Variants in PEAK1 observed in about 807,000 individuals in gnomAD.
PEAK1 encodes the protein pseudopodium enriched atypical kinase 1.
PEAK1 carries 54 observed loss-of-function variants against 124.7 expected under a neutral mutation model. That is an observed-to-expected ratio of 0.43 (90% CI 0.35 to 0.54). PEAK1 has a LOEUF of 0.54. Ranked by LOEUF, PEAK1 falls within the 20% of genes least tolerant of loss-of-function variation. The pLI, the probability that PEAK1 is intolerant of heterozygous loss-of-function variation, is 0.01. For synonymous variants in PEAK1, 719 were observed against 760.0 expected (o/e 0.95, Z 0.89); for missense variants, 2,046 against 2,134.5 (o/e 0.96, Z 0.82).
chr15:77,235,141 C>T (rs2060064203), intron 6 of PEAK1, among the ~76,000 whole-genome samples: 1 of 151,956 alleles, frequency 6.6e-6, no homozygotes, highest in African/African-American at 2.4e-5. Flanking sequence ...CATATATTAC[C>T]CAGTCTCAGG....
chr15:77,254,056 G>A (rs547502611), intron 5 of PEAK1, among the ~76,000 whole-genome samples: 5 of 152,142 alleles, frequency 3.3e-5, no homozygotes, highest in Admixed American at 2.6e-4. Context: ...CTGACCTCAG[G>A]TGATCCACCT....
intron 8 of PEAK1, among the ~76,000 whole-genome samples, chr15:77,154,219 G>C (rs2054916124): frequency 6.6e-6 from 1 of 152,204 alleles, no homozygotes; most frequent in African/African-American, 2.4e-5. Flanking sequence ...TTTTTCAATT[G>C]ATCCCTTTAC....
At chr15:77,218,553 C>T (rs1442337390) in intron 6 of PEAK1, among the ~76,000 whole-genome samples, 1 of 151,348 alleles carries the variant, frequency 6.6e-6, no homozygotes, top group Non-Finnish European at 1.5e-5. Flanking sequence ...TCATGAGGAA[C>T]GTTGGTCTTT....
At chr15:77,334,077 C>T in intron 2 of PEAK1, 1 of 797,868 alleles carries the variant, frequency 1.3e-6, no homozygotes, top group South Asian at 5.8e-5. Context: ...TTATGTTATC[C>T]TGTAAGGTTT....
intron 2 of PEAK1, chr15:77,331,101 A>T (rs1325449982): frequency 5.8e-5 from 38 of 656,942 alleles, no homozygotes; most frequent in Non-Finnish European, 7.0e-5. Context: ...CATTGAATCA[A>T]TTTTCTATTT....
Position 77,115,211 on chromosome 15 carries a change from C to G in PEAK1, c.4186G>C (p.Ala1396Pro), listed in dbSNP as rs751174168. 1 of 1,614,162 alleles carries G rather than the reference C, an allele frequency of 6.2e-7. No homozygotes were observed. Among genetic ancestry groups the G allele is most frequent in the Non-Finnish European group, 8.5e-7 (1 of 1,180,034 alleles). ...NIQQDCGHFL[A>P]EVPNRLLPWE... ...GGAAGCAGACGGTTAGGGACTTCAG[C>G]AAGGAAATGACCACAGTCCTGCTGA... Residue 1396 changes from alanine to proline, a missense_variant, in exon 10 of 10, where the codon GCT becomes CCT. Physicochemically the swap from Ala to Pro is conservative, Grantham distance 27. Coordinates refer to ENST00000682557, the MANE Select transcript of PEAK1 (RefSeq NM_001385026.1).
At chr15:77,265,351 A>G (rs1167929785) in intron 5 of PEAK1, among the ~76,000 whole-genome samples, 2 of 152,182 alleles carry the variant, frequency 1.3e-5, no homozygotes, top group African/African-American at 4.8e-5. Flanking sequence ...TTCGCAACCT[A>G]CTCATCTGAC....
intron 1 of PEAK1, among the ~76,000 whole-genome samples, chr15:77,408,406 G>T (rs1182583978): frequency 6.6e-6 from 1 of 151,710 alleles, no homozygotes; most frequent in African/African-American, 2.4e-5. Flanking sequence ...GTGGGAGGGG[G>T]GTGAGGGGTA....
chr15:77,126,979 A>C (rs550178205), intron 9 of PEAK1, among the ~76,000 whole-genome samples: 42 of 152,376 alleles, frequency 2.8e-4, no homozygotes, highest in African/African-American at 9.9e-4. Flanking sequence ...CAACCTCTTC[A>C]TATGTTGAAG....
chr15:77,364,609 C>T (rs911300881), intron 2 of PEAK1, among the ~76,000 whole-genome samples: 38 of 152,190 alleles, frequency 2.5e-4, no homozygotes, highest in African/African-American at 9.2e-4. Flanking sequence ...AGGTAAGAAA[C>T]GGGAAAAGGC....
chr15:77,238,594 G>A (rs1240869459), intron 6 of PEAK1, among the ~76,000 whole-genome samples: 1 of 152,126 alleles, frequency 6.6e-6, no homozygotes, highest in African/African-American at 2.4e-5. Context: ...TCTGGGTTGT[G>A]ACCCTATCTT....
intron 1 of PEAK1, chr15:77,418,824 C>CG (rs756604340): frequency 2.0e-6 from 2 of 984,804 alleles, no homozygotes; most frequent in Non-Finnish European, 1.2e-6. Context: ...CTTCATTTAT[C>CG]GGGGGAAAAA....
intron 9 of PEAK1, among the ~76,000 whole-genome samples, chr15:77,124,150 C>T (rs1186825843): frequency 6.6e-6 from 1 of 152,252 alleles, no homozygotes; most frequent in African/African-American, 2.4e-5. Flanking sequence ...CTTCATTCTG[C>T]ACAAGCCCTC....
At chr15:77,238,432 T>C (rs2060216956) in intron 6 of PEAK1, among the ~76,000 whole-genome samples, 1 of 152,178 alleles carries the variant, frequency 6.6e-6, no homozygotes. Context: ...TGCAGTGTCA[T>C]CCTGCATGTC....
In PEAK1 at chr15:77,180,942, C is replaced by T. The variant is rs771987652; in HGVS notation, c.985G>A (p.Gly329Arg). The T allele has an allele frequency of 3.1e-6, 5 of 1,614,098 alleles. No individual in the cohort carries two copies. Among genetic ancestry groups the T allele is most frequent in the South Asian group, 1.1e-5 (1 of 91,084 alleles). Residue 329 changes from glycine (G) to arginine (R), a missense_variant, in exon 7 of 10, where the codon GGA (glycine) becomes AGA (arginine). Transcript: ENST00000682557. The part of the protein sequence containing the change: ...GYEENSVVSY[G>R]QGSIQSMVSS... Reference sequence around the variant, plus strand: ...ACCATGCTCTGAATGCTTCCTTGTCCATAAGAGACCACAGAATTTTCCTCA... The same window carrying T: ...ACCATGCTCTGAATGCTTCCTTGTCTATAAGAGACCACAGAATTTTCCTCA...
intron 2 of PEAK1, among the ~76,000 whole-genome samples, chr15:77,325,076 T>C (rs1477860922): frequency 6.6e-6 from 1 of 152,014 alleles, no homozygotes; most frequent in Non-Finnish European, 1.5e-5. Context: ...ATAAAGATAA[T>C]GTGGAAAAGA....
intron 6 of PEAK1, among the ~76,000 whole-genome samples, chr15:77,212,824 C>T (rs2058966063): frequency 6.6e-6 from 1 of 152,170 alleles, no homozygotes; most frequent in African/African-American, 2.4e-5. Context: ...ATATGAGAAA[C>T]ATCTCATCAG....
intron 6 of PEAK1, 81 bp from the exon 7 acceptor site, chr15:77,182,121 T>G: frequency 8.1e-7 from 1 of 1,234,648 alleles, no homozygotes; most frequent in Non-Finnish European, 1.0e-6. Flanking sequence ...TTGAAAAAAC[T>G]GACTCCATTC....
At chr15:77,262,763 T>C (rs564218946) in intron 5 of PEAK1, among the ~76,000 whole-genome samples, 3,262 of 151,550 alleles carry the variant, frequency 0.022, 117 homozygotes, top group African/African-American at 0.074. Context: ...CTAATAGACA[T>C]CTACAGAACT....
Sources: allele counts gnomAD v4.1 joint callset (sites outside exome capture counted in the v4.1 genomes callset), GRCh38; gene constraint gnomAD v4.1.1; transcripts MANE v1.5; gene names NCBI Gene and HGNC (gene_info 2026-07-23, HGNC 2026-07-21).